RALYL: variants seen among roughly 807,000 people sequenced by gnomAD.
RALYL encodes RALY RNA binding protein like, also known as RNA-binding Raly-like protein.
Under a neutral mutation model 35.1 loss-of-function variants are expected in RALYL, and 29 were observed. The observed-to-expected ratio is 0.83, with a 90% CI of 0.61 to 1.13. The LOEUF (loss-of-function observed/expected upper bound fraction) is 1.13. Ranked by LOEUF, RALYL falls within the 50% of genes most tolerant of loss-of-function variation. The pLI is 0.00. For synonymous variants in RALYL, 120 were observed against 127.6 expected, an observed-to-expected ratio of 0.94 and a Z score of 0.40; for missense variants, 359 against 360.4, an observed-to-expected ratio of 1.00 and a Z score of 0.03.
chr8:84,600,570 C>T (rs115944086), intron 2 of RALYL, among the ~76,000 whole-genome samples: 358 of 152,142 alleles, frequency 2.4e-3, no homozygotes, highest in African/African-American at 5.4e-3. Flanking sequence ...AGGAGGATCC[C>T]CATAGCTGAC....
At chr8:84,825,336 A>G (rs191234927) in intron 4 of RALYL, among the ~76,000 whole-genome samples, 192 of 152,192 alleles carry the variant, frequency 1.3e-3, no homozygotes, top group Admixed American at 2.9e-3. Context: ...ATTAAAAAAA[A>G]TTAAAAACCA....
intron 1 of RALYL, among the ~76,000 whole-genome samples, chr8:84,272,444 A>G (rs928283132): frequency 1.3e-4 from 20 of 152,302 alleles, no homozygotes; most frequent in African/African-American, 4.8e-4. Context: ...AAAAGCATCC[A>G]TCTGGAGAGA....
chr8:84,286,391 G>A (rs1340984239), intron 1 of RALYL, among the ~76,000 whole-genome samples: 2 of 152,202 alleles, frequency 1.3e-5, no homozygotes, highest in Non-Finnish European at 2.9e-5. Context: ...GCAAGAGAAT[G>A]TTAGGGAGTG....
chr8:84,187,642 TA>T (rs1812854105), intron 1 of RALYL, among the ~76,000 whole-genome samples: 1 of 152,106 alleles, frequency 6.6e-6, no homozygotes, highest in Admixed American at 6.5e-5. Context: ...GCTACTATAA[TA>T]ATACAAATAA....
chr8:84,339,524 C>T (rs1337161993), intron 1 of RALYL, among the ~76,000 whole-genome samples: 1 of 151,740 alleles, frequency 6.6e-6, no homozygotes, highest in Admixed American at 6.6e-5. Flanking sequence ...TGGGCTCCCA[C>T]TGATTCTACA....
chr8:84,389,634 GCT>G (rs1215466806), intron 1 of RALYL, among the ~76,000 whole-genome samples: 3 of 150,854 alleles, frequency 2.0e-5, no homozygotes, highest in Non-Finnish European at 4.4e-5. Context: ...TCACGATTTG[GCT>G]CTCTGTTTGT....
chr8:84,520,332 T>C (rs1307366612), intron 1 of RALYL, among the ~76,000 whole-genome samples: 2 of 152,206 alleles, frequency 1.3e-5, no homozygotes, highest in African/African-American at 2.4e-5. Flanking sequence ...TATATCAGTT[T>C]GGTCACATTC....
At chr8:84,261,671 T>G (rs1222793667) in intron 1 of RALYL, among the ~76,000 whole-genome samples, 1 of 152,206 alleles carries the variant, frequency 6.6e-6, no homozygotes, top group Admixed American at 6.5e-5. Context: ...TTTTGAAATC[T>G]GAATATATGG....
At chr8:84,448,233 T>C (rs1227606465) in intron 1 of RALYL, among the ~76,000 whole-genome samples, 1 of 151,938 alleles carries the variant, frequency 6.6e-6, no homozygotes, top group Non-Finnish European at 1.5e-5. Flanking sequence ...CTAAGTGTTA[T>C]GTATGTATGT....
intron 1 of RALYL, among the ~76,000 whole-genome samples, chr8:84,244,436 A>G (rs1828654260): frequency 6.6e-6 from 1 of 152,230 alleles, no homozygotes; most frequent in South Asian, 2.1e-4. Context: ...ATACATCACC[A>G]AAGTTTCTGA....
chr8:84,569,159 T>C (rs1322567929), intron 2 of RALYL, among the ~76,000 whole-genome samples: 13 of 151,984 alleles, frequency 8.6e-5, no homozygotes, highest in African/African-American at 2.7e-4. Context: ...TAGGTTTTCT[T>C]CTAGGGTTTT....
chr8:84,871,929 TTTGTTTTTG>T (rs1191497327), intron 6 of RALYL, among the ~76,000 whole-genome samples: 1 of 150,034 alleles, frequency 6.7e-6, no homozygotes, highest in Non-Finnish European at 1.5e-5. Flanking sequence ...TAAATTGCAT[TTTGTTTTTG>T]TTTTTTTATT....
At chr8:84,278,374 C>T (rs1024460257) in intron 1 of RALYL, among the ~76,000 whole-genome samples, 2 of 152,212 alleles carry the variant, frequency 1.3e-5, no homozygotes, top group Non-Finnish European at 2.9e-5. Context: ...ACCATTTTTC[C>T]TCCTAGGCCT....
chr8:84,275,198 A>T lies in RALYL; in HGVS notation c.-24+90774A>T, dbSNP rs1271333824. Among the ~76,000 whole-genome samples the T allele has an allele frequency of 2.0e-5, 3 of 152,292 alleles. No individual in the cohort carries two copies. The East Asian group carries it at 5.8e-4, about 29-fold the overall frequency. On this transcript the variant is annotated intron_variant, in intron 1 of 8. Coordinates refer to ENST00000521268, the MANE Select transcript of RALYL (RefSeq NM_173848.7). ...AGACTCAGTTCTCTGTGCTTGCATT[A>T]GAGCCATTGTCATCTCTAAACCTCT...
intron 1 of RALYL, among the ~76,000 whole-genome samples, chr8:84,472,745 T>TA (rs1461150230): frequency 1.3e-5 from 2 of 152,196 alleles, no homozygotes; most frequent in East Asian, 3.8e-4. Flanking sequence ...GGCTACTAGT[T>TA]AGAGTTTGAA....
chr8:84,300,492 T>C (rs1366898343), intron 1 of RALYL, among the ~76,000 whole-genome samples: 2 of 152,074 alleles, frequency 1.3e-5, no homozygotes, highest in East Asian at 1.9e-4. Flanking sequence ...CTGAATATCT[T>C]TGTTAGATTT....
chr8:84,451,781 T>C (rs1393092117), intron 1 of RALYL, among the ~76,000 whole-genome samples: 6 of 152,044 alleles, frequency 3.9e-5, no homozygotes, highest in Non-Finnish European at 8.8e-5. Flanking sequence ...CACATTGCCT[T>C]ATGGCTAAGA....
intron 2 of RALYL, among the ~76,000 whole-genome samples, chr8:84,713,567 G>C (rs1417131538): frequency 2.0e-5 from 3 of 151,874 alleles, no homozygotes; most frequent in Non-Finnish European, 4.4e-5. Flanking sequence ...GTGTCAGTGA[G>C]TACATAAAGT....
At chr8:84,218,601 G>A (rs1821409393) in intron 1 of RALYL, among the ~76,000 whole-genome samples, 1 of 151,900 alleles carries the variant, frequency 6.6e-6, no homozygotes, top group South Asian at 2.1e-4. Flanking sequence ...TTCTGTACAG[G>A]TCAGAACTCC....
Sources: allele counts gnomAD v4.1 joint callset (sites outside exome capture counted in the v4.1 genomes callset), GRCh38; gene constraint gnomAD v4.1.1; transcripts MANE v1.5; gene names NCBI Gene and HGNC (gene_info 2026-07-23, HGNC 2026-07-21).